SENP1: variants seen among roughly 807,000 people sequenced by gnomAD.
SENP1 encodes the protein sentrin-specific protease 1.
Under a neutral mutation model 93.0 loss-of-function variants are expected in SENP1, and 21 were observed. The ratio of observed to expected loss-of-function variants is 0.23; its 90% CI spans 0.16 to 0.33. The LOEUF (loss-of-function observed/expected upper bound fraction) is 0.33, where lower values mean the gene tolerates loss of function less well. Among genes scored for constraint, SENP1 ranks in the 10% least tolerant of loss-of-function variants. The pLI is 1.00. For missense variants in SENP1, 591 were observed against 758.7 expected, an observed-to-expected ratio of 0.78 and a Z score of 2.60; for synonymous variants, 256 against 259.6, an observed-to-expected ratio of 0.99 and a Z score of 0.13.
At chr12:48,093,047 A>T (rs752711855) in intron 4 of SENP1, among the ~76,000 whole-genome samples, 2 of 152,210 alleles carry the variant, frequency 1.3e-5, no homozygotes, top group African/African-American at 4.8e-5. Flanking sequence ...CCCAAATCAA[A>T]TGCTTGAGTC....
chr12:48,101,577 T>C, intron 1 of SENP1, 61 bp from the exon 2 acceptor site: 2 of 870,950 alleles, frequency 2.3e-6, no homozygotes, highest in Non-Finnish European at 3.7e-6. Context: ...CACTTAATTT[T>C]AGAAGGTGCA....
At chr12:48,080,090 TA>T (rs2137102476) in intron 6 of SENP1, 1 of 152,360 alleles carries the variant, frequency 6.6e-6, no homozygotes, top group East Asian at 1.9e-4. Flanking sequence ...TTTACATTTT[TA>T]TTGTCACAAG....
At chr12:48,067,808 TAAAA>T (rs1193598266) in intron 9 of SENP1, among the ~76,000 whole-genome samples, 2 of 144,348 alleles carry the variant, frequency 1.4e-5, no homozygotes, top group African/African-American at 5.1e-5. Flanking sequence ...TTCTGTCTCT[TAAAA>T]AAAAAAAAAT....
intron 1 of SENP1, among the ~76,000 whole-genome samples, chr12:48,102,409 G>A (rs1315808655): frequency 7.1e-6 from 1 of 141,198 alleles, no homozygotes; most frequent in African/African-American, 2.7e-5. Flanking sequence ...TCCAGCCTGG[G>A]CGACAGAGCA....
At position 48,065,136 on chromosome 12, in the gene SENP1, C is replaced by T. The variant is rs1943212378; in HGVS notation, c.1204G>A (p.Val402Ile). 2 of 1,607,522 alleles carry T rather than the reference C, an allele frequency of 1.2e-6. No homozygotes were observed. Among genetic ancestry groups the T allele is most frequent in the Non-Finnish European group, 8.5e-7 (1 of 1,174,224 alleles). Reference sequence around the variant, plus strand: ...CCTTTTTTTTGTGTTTCTTGGACAACAGTAACAGGAATCTCCTTTTCAAGA... The same window carrying T: ...CCTTTTTTTTGTGTTTCTTGGACAATAGTAACAGGAATCTCCTTTTCAAGA... ...VPLEKEIPVT[V>I]VQETQKKGHK... The change falls in exon 12 of 18, where the codon GTT becomes ATT. Residue 402 changes from valine (V) to isoleucine (I), a missense_variant. By Grantham distance (29) the Val-to-Ile change is conservative. This residue lies in a region of SENP1 where 238 missense variants were observed against 259.1 expected (regional missense o/e 0.92). Coordinates refer to ENST00000549518, the MANE Select transcript of SENP1 (RefSeq NM_001267594.2).
rs151064481 is a variant in SENP1 at position 48,076,238 on chromosome 12, G to A, written c.553-1445C>T. On this transcript the variant is annotated intron_variant, in intron 6 of 17. Transcript: ENST00000549518. ...ATTATGTCAGTGTTAGCACCATCTC[G>A]TACTGTGATATTTCGATATGTGCTG... 4.8e-3 allele frequency among the ~76,000 whole-genome samples: 736 copies of A among 152,278 alleles called. 4 individuals are homozygous for A. Among genetic ancestry groups the A allele is most frequent in the South Asian group, 7.5e-3 (36 of 4,832 alleles).
At chr12:48,045,577 A>G (rs1346185928) in intron 17 of SENP1, among the ~76,000 whole-genome samples, 193 bp from the exon 18 acceptor site, 1 of 152,092 alleles carries the variant, frequency 6.6e-6, no homozygotes, top group Non-Finnish European at 1.5e-5. Flanking sequence ...ATTTTTCACC[A>G]TTATAGCCTT....
At chr12:48,100,168 T>C (rs1945828756) in intron 2 of SENP1, among the ~76,000 whole-genome samples, 1 of 152,216 alleles carries the variant, frequency 6.6e-6, no homozygotes, top group African/African-American at 2.4e-5. Flanking sequence ...CTAAATTAGC[T>C]ACTAGTCCTG....
chr12:48,098,238 G>C, intron 2 of SENP1, 114 bp from the exon 3 acceptor site: 1 of 1,073,862 alleles, frequency 9.3e-7, no homozygotes, highest in African/African-American at 1.6e-5. Context: ...GGTGTCTCAT[G>C]CCTGTAATCC....
intron 4 of SENP1, among the ~76,000 whole-genome samples, chr12:48,091,381 C>T (rs1945214762): frequency 6.6e-6 from 1 of 151,210 alleles, no homozygotes; most frequent in Admixed American, 6.6e-5. Context: ...ACCCGGGAGG[C>T]AGAGGTTGCT....
At chr12:48,083,466 C>A (rs1395012364) in intron 6 of SENP1, 125 bp downstream of exon 6, 28 of 770,796 alleles carry the variant, frequency 3.6e-5, no homozygotes, top group Non-Finnish European at 5.6e-5. Flanking sequence ...GTAATTCAGA[C>A]AGAAAAAGCA....
intron 13 of SENP1, among the ~76,000 whole-genome samples, chr12:48,058,963 G>A (rs1942778530): frequency 6.6e-6 from 1 of 152,096 alleles, no homozygotes; most frequent in East Asian, 1.9e-4. Context: ...ATTGTCTTCT[G>A]GCCTGCATCG....
chr12:48,046,317 A>G (rs1334772235), intron 17 of SENP1, 39 bp downstream of exon 17: 2 of 1,413,850 alleles, frequency 1.4e-6, no homozygotes, highest in Admixed American at 3.4e-5. Context: ...GCTTGGAGAC[A>G]AAGTAATCCT....
chr12:48,085,715 C>CAA (rs200416260), intron 5 of SENP1, among the ~76,000 whole-genome samples: 1,384 of 116,082 alleles, frequency 0.012, 20 homozygotes, highest in Middle Eastern at 0.024. Flanking sequence ...TTGCTTCTCT[C>CAA]AAAAAAAAAA....
intron 1 of SENP1, among the ~76,000 whole-genome samples, chr12:48,104,382 G>A (rs1026383075): frequency 1.3e-5 from 2 of 150,292 alleles, no homozygotes; most frequent in African/African-American, 4.9e-5. Flanking sequence ...GCAACCATGT[G>A]AAATCACCCT....
intron 8 of SENP1, among the ~76,000 whole-genome samples, chr12:48,072,716 TTACAG>T (rs1233523401): frequency 1.3e-5 from 2 of 152,224 alleles, no homozygotes; most frequent in Non-Finnish European, 2.9e-5. Flanking sequence ...AACATCTTCA[TTACAG>T]TATATTGTTA....
chr12:48,056,348 T>C (rs1942337361), intron 13 of SENP1, among the ~76,000 whole-genome samples: 1 of 80,868 alleles, frequency 1.2e-5, no homozygotes, highest in Admixed American at 1.5e-4. Context: ...ATATATTACA[T>C]ATAATATATT....
At chr12:48,105,610 A>G (rs1486290645) in intron 1 of SENP1, 2 of 458,620 alleles carry the variant, frequency 4.4e-6, no homozygotes, top group East Asian at 1.1e-4. Flanking sequence ...AAGGCGGGAG[A>G]TGAAGCCGGT....
At chr12:48,073,438 C>T (rs1428423471) in intron 8 of SENP1, among the ~76,000 whole-genome samples, 1 of 151,068 alleles carries the variant, frequency 6.6e-6, no homozygotes, top group Non-Finnish European at 1.5e-5. Context: ...AAACCTCAAA[C>T]AACCTGAGAA....
Sources: gnomAD v4.1 joint callset for allele counts (sites outside exome capture counted in the v4.1 genomes callset) on GRCh38, gnomAD v4.1.1 for gene constraint, gnomAD v4.1.1 regional missense constraint, MANE v1.5 for transcripts, NCBI Gene and HGNC (gene_info 2026-07-23, HGNC 2026-07-21) for gene names.